Variants in RBSN observed in about 807,000 individuals in gnomAD.
The protein encoded by RBSN is rabenosyn-5.
RBSN carries 34 observed loss-of-function variants against 60.5 expected under a neutral mutation model. That is an observed-to-expected ratio of 0.56 (90% CI 0.43 to 0.75). RBSN has a LOEUF of 0.75. Among genes scored for constraint, RBSN ranks in the 30% least tolerant of loss-of-function variants. RBSN has a pLI of 0.00. For synonymous variants in RBSN, 322 were observed against 366.9 expected, an observed-to-expected ratio of 0.88 and a Z score of 1.40; for missense variants, 845 against 986.8, an observed-to-expected ratio of 0.86 and a Z score of 1.92.
intron 4 of RBSN, chr3:15,095,667 C>T (rs889734400): frequency 1.9e-6 from 1 of 517,018 alleles, no homozygotes; most frequent in Non-Finnish European, 3.4e-6. Flanking sequence ...ACAGTCAAGC[C>T]AGATCACAGC....
chr3:15,089,009 A>T (rs747358569), intron 5 of RBSN, among the ~76,000 whole-genome samples: 5 of 152,192 alleles, frequency 3.3e-5, no homozygotes, highest in Non-Finnish European at 5.9e-5. Flanking sequence ...CATAAATGGG[A>T]AAAAGGACCA....
intron 4 of RBSN, chr3:15,091,383 T>C (rs1004248966): frequency 8.5e-7 from 1 of 1,175,610 alleles, no homozygotes; most frequent in African/African-American, 1.6e-5. Flanking sequence ...GGACTGGTGT[T>C]CCCCATAGGC....
intron 10 of RBSN, among the ~76,000 whole-genome samples, chr3:15,078,751 C>G (rs1023482723): frequency 4.2e-5 from 4 of 94,768 alleles, no homozygotes; most frequent in African/African-American, 2.0e-4. Context: ...CAGAGCAAAA[C>G]TCGGTCTCAA....
At chr3:15,092,919 C>G (rs1342822010) in intron 4 of RBSN, among the ~76,000 whole-genome samples, 3 of 152,142 alleles carry the variant, frequency 2.0e-5, no homozygotes, top group Admixed American at 1.3e-4. Context: ...CATAGCCCTT[C>G]CAGAGAAGGC....
rs950181958 is a variant in RBSN, at chr3:15,077,392, A to G, written c.999-228T>C. ...ACTGTTATGGAGTGACTGACTACACATGCAGAGCCAGCTTCACAGGTGAGC... is the reference window on the plus strand; with the variant it reads ...ACTGTTATGGAGTGACTGACTACACGTGCAGAGCCAGCTTCACAGGTGAGC... On this transcript the variant is annotated intron_variant, in intron 11 of 13. Coordinates refer to ENST00000253699, the MANE Select transcript of RBSN (RefSeq NM_022340.4). The surrounding 1 kb of genome is among the most constrained non-coding windows in gnomAD (Gnocchi z 4.4). Among the ~76,000 whole-genome samples the G allele has an allele frequency of 1.3e-5, 2 of 152,230 alleles. No individual in the cohort carries two copies. The highest frequency in any genetic ancestry group is 6.5e-5 in the Admixed American group (1 of 15,282).
At chr3:15,088,605 C>T (rs940533514) in intron 5 of RBSN, among the ~76,000 whole-genome samples, 27 of 152,240 alleles carry the variant, frequency 1.8e-4, no homozygotes, top group African/African-American at 6.5e-4. Flanking sequence ...TGGTCTCAAA[C>T]TCCTGACCTT....
chr3:15,090,516 C>T lies in RBSN; in HGVS notation c.172G>A (p.Ala58Thr). Reference protein sequence around the residue: ...IKSLVQKAKKAKDRLLKREGD... With the variant: ...IKSLVQKAKKTKDRLLKREGD... ...TCTCGTTTCAACAACCTGTCCTTTG[C>T]TTTTTTAGCCTTCTGGACAAGACCT... Residue 58 changes from alanine to threonine, a missense_variant, in exon 5 of 14, where the codon GCA becomes ACA. Ala to Thr is a moderately conservative substitution (Grantham distance 58, BLOSUM62 0). Transcript: ENST00000253699. 1 of 1,614,134 alleles carries T rather than the reference C, an allele frequency of 6.2e-7. No individual in the cohort carries two copies. The highest frequency in any genetic ancestry group is 2.2e-5 in the East Asian group (1 of 44,884).
chr3:15,094,122 A>G (rs983620482), intron 4 of RBSN, among the ~76,000 whole-genome samples: 6 of 152,292 alleles, frequency 3.9e-5, no homozygotes, highest in Admixed American at 2.6e-4. Context: ...CCTCTTAAAA[A>G]AGGGTCACTG....
Position 15,084,940 on chromosome 3 carries a change from A to C in RBSN, c.437-44T>G. On this transcript the variant is annotated intron_variant, in intron 7 of 13. Transcript: ENST00000253699. The surrounding 1 kb of genome is among the most constrained non-coding windows in gnomAD (Gnocchi z 4.2). ...AACAAGAAAGCAGGCCATTTTAAAG[A>C]GAGCTTTGGTCAGGGAAAAAAAGAT... 6.2e-7 allele frequency: 1 copy of C among 1,613,566 alleles called. No individual in the cohort carries two copies. Among genetic ancestry groups the C allele is most frequent in the South Asian group, 1.1e-5 (1 of 91,004 alleles).
At chr3:15,075,421 G>A in intron 13 of RBSN, 185 bp downstream of exon 13, 1 of 696,626 alleles carries the variant, frequency 1.4e-6, no homozygotes, top group Non-Finnish European at 2.6e-6. Flanking sequence ...ATAGGCCCTG[G>A]GGAGAAAAAC....
chr3:15,075,263 T>A, intron 13 of RBSN: 1 of 592,522 alleles, frequency 1.7e-6, no homozygotes, highest in Non-Finnish European at 3.1e-6. Flanking sequence ...AATACACATA[T>A]AATTTTCTGT....
rs982809565 is a variant in RBSN at position 15,072,714 on chromosome 3, C to T, written c.*1068G>A. 4.7e-5 allele frequency: 7 copies of T among 150,410 alleles called. No homozygotes were observed. The highest frequency in any genetic ancestry group is 1.5e-4 in the African/African-American group (6 of 41,224). 9.3% of individuals were successfully genotyped at this position (150,410 alleles called of 1,614,324 possible). On this transcript the variant is annotated 3_prime_UTR_variant, in exon 14 of 14. Coordinates refer to ENST00000253699, the MANE Select transcript of RBSN (RefSeq NM_022340.4). ...TACTAATATCAACCAAAAAGTTAAC[C>T]ACTCTTATTTTTTTTTGAGACGGAG...
Position 15,074,688 on chromosome 3 carries a change from G to A in RBSN, c.1449C>T (p.Arg483=). The A allele has an allele frequency of 1.9e-6, 3 of 1,614,268 alleles. No homozygotes were observed. The highest frequency in any genetic ancestry group is 8.5e-7 in the Non-Finnish European group (1 of 1,180,050). ...GCTGCCGCAGGTTCTCCTGCAGAGT[G>A]CGCACTTCATCCATGCGGCCCGCGG... ...AKAAGRMDEV[R]TLQENLRQLQ... Residue 483 remains arginine, a synonymous_variant, in exon 14 of 14, where the codon CGC becomes CGT. Transcript: ENST00000253699. This position sits in a 1 kb window ranked among gnomAD's most constrained non-coding sequence, Gnocchi z 6.4.
rs941665062 is a variant in RBSN, at chr3:15,079,983, G to A, written c.911+749C>T. The stretch of plus-strand genomic sequence containing the variant: ...ATGTTGGCCAGACACGGTGGCTCAC[G>A]CCTGTAATCCCAGCACTTTGGGAAG... On this transcript the variant is annotated intron_variant, in intron 10 of 13. Coordinates refer to ENST00000253699, the MANE Select transcript of RBSN (RefSeq NM_022340.4). Among the ~76,000 whole-genome samples the A allele has an allele frequency of 3.9e-5, 6 of 152,302 alleles. No homozygotes were observed. The East Asian group carries it at 1.2e-3, about 29-fold the overall frequency.
In RBSN at chr3:15,090,399, C is replaced by A; in HGVS notation, c.289G>T (p.Gly97Cys). 1 of 1,611,532 alleles carries A rather than the reference C, an allele frequency of 6.2e-7. No homozygotes were observed. Among genetic ancestry groups the A allele is most frequent in the Admixed American group, 1.7e-5 (1 of 59,222 alleles). ...TGAATGAATAAATGAATTTTCTTAC[C>A]AAGCTCCTGGGGTTCCCACATGTAA... ...DPYMWEPQEL[G>C]AVRSHLSDFK... The change falls in exon 5 of 14, where the codon GGT becomes TGT. Residue 97 changes from glycine (G) to cysteine (C), a missense_variant and splice_region_variant. Transcript: ENST00000253699.
At chr3:15,076,987 TG>T in intron 12 of RBSN, 74 bp downstream of exon 12, 2 of 1,248,902 alleles carry the variant, frequency 1.6e-6, no homozygotes, top group Non-Finnish European at 2.3e-6. Context: ...GTCATTGGCA[TG>T]GATCTGCCTC....
rs180754559 is a variant in RBSN at position 15,078,659 on chromosome 3, G to C, written c.912-498C>G. 4.6e-3 allele frequency among the ~76,000 whole-genome samples: 692 copies of C among 150,706 alleles called. 7 individuals carry two copies. The highest frequency in any genetic ancestry group is 0.016 in the African/African-American group (656 of 40,986). ...GCCTGTAATCCCAGCTACTCAGGAG[G>C]CTGAGGCAGAAGAATTGCTTGAACT... On this transcript the variant is annotated intron_variant, in intron 10 of 13. Coordinates refer to ENST00000253699, the MANE Select transcript of RBSN (RefSeq NM_022340.4).
chr3:15,093,118 A>G (rs934377901), intron 4 of RBSN, among the ~76,000 whole-genome samples: 4 of 152,098 alleles, frequency 2.6e-5, no homozygotes, highest in Admixed American at 1.3e-4. Flanking sequence ...TGCCCCCAAA[A>G]CCTAATACTA....
chr3:15,081,747 TC>T (rs2125164610), intron 9 of RBSN, among the ~76,000 whole-genome samples: 1 of 152,334 alleles, frequency 6.6e-6, no homozygotes, highest in East Asian at 1.9e-4. Context: ...CCCCACCCAG[TC>T]CACCTGGCTA....
Sources: gnomAD v4.1 joint callset for allele counts (sites outside exome capture counted in the v4.1 genomes callset) on GRCh38, gnomAD v4.1.1 for gene constraint, Gnocchi (gnomAD v3.1) non-coding constraint, MANE v1.5 for transcripts, NCBI Gene and HGNC (gene_info 2026-07-23, HGNC 2026-07-21) for gene names.